Variants in MGAT4C observed in about 807,000 individuals in gnomAD.
The protein encoded by MGAT4C is MGAT4 family member C, also known as alpha-1,3-mannosyl-glycoprotein 4-beta-N-acetylglucosaminyltransferase C.
MGAT4C carries 19 observed loss-of-function variants against 40.1 expected under a neutral mutation model. The ratio of observed to expected loss-of-function variants is 0.47; its 90% CI spans 0.33 to 0.70. The LOEUF (loss-of-function observed/expected upper bound fraction) is 0.70. MGAT4C is among the 30% of genes least tolerant of loss of function. MGAT4C has a pLI of 0.02. For missense variants in MGAT4C, 491 were observed against 563.2 expected, an observed-to-expected ratio of 0.87 and a Z score of 1.30; for synonymous variants, 181 against 187.1, an observed-to-expected ratio of 0.97 and a Z score of 0.27.
intron 2 of MGAT4C, among the ~76,000 whole-genome samples, chr12:86,657,546 A>T (rs946735013): frequency 6.6e-6 from 1 of 151,970 alleles, no homozygotes. Context: ...TAACTATAGC[A>T]TTCAAAAGTA....
intron 1 of MGAT4C, among the ~76,000 whole-genome samples, chr12:86,759,199 T>C (rs143206679): frequency 7.9e-5 from 12 of 152,260 alleles, no homozygotes; most frequent in Admixed American, 7.9e-4. Flanking sequence ...TCATTCATGA[T>C]GCTGCAACTG....
At chr12:86,784,713 T>C (rs1338323203) in intron 1 of MGAT4C, among the ~76,000 whole-genome samples, 1 of 149,974 alleles carries the variant, frequency 6.7e-6, no homozygotes, top group African/African-American at 2.4e-5. Flanking sequence ...AGAGTAGCCC[T>C]GAAGGAAGCA....
chr12:86,591,369 T>C (rs1961322285), intron 2 of MGAT4C, among the ~76,000 whole-genome samples: 1 of 151,992 alleles, frequency 6.6e-6, no homozygotes. Context: ...ATTTATTCAC[T>C]TTTAAAATTT....
chr12:86,040,034 G>T (rs565444282), intron 2 of MGAT4C, among the ~76,000 whole-genome samples: 4 of 152,186 alleles, frequency 2.6e-5, no homozygotes, highest in African/African-American at 9.6e-5. Context: ...GACCCTGTTT[G>T]CCTGGGTACC....
intron 1 of MGAT4C, among the ~76,000 whole-genome samples, chr12:86,755,173 C>G (rs1221939137): frequency 6.6e-6 from 1 of 152,088 alleles, no homozygotes; most frequent in Non-Finnish European, 1.5e-5. Flanking sequence ...CACTGAAAGC[C>G]TGAAGAGTAA....
chr12:86,044,081 T>C (rs1892152987), intron 2 of MGAT4C, among the ~76,000 whole-genome samples: 1 of 152,212 alleles, frequency 6.6e-6, no homozygotes, highest in African/African-American at 2.4e-5. Flanking sequence ...CTTAAGGGTT[T>C]GATTGTGGTC....
At chr12:86,104,837 A>C (rs1696285323) in intron 1 of MGAT4C, among the ~76,000 whole-genome samples, 2 of 143,542 alleles carry the variant, frequency 1.4e-5, no homozygotes, top group African/African-American at 2.7e-5. Flanking sequence ...TAACATATTA[A>C]ATTCAAAATT....
intron 1 of MGAT4C, among the ~76,000 whole-genome samples, chr12:86,803,965 A>C (rs1399615682): frequency 1.5e-5 from 2 of 135,750 alleles, no homozygotes; most frequent in East Asian, 2.3e-4. Context: ...ACACATGCAC[A>C]CGTATGTTTA....
At chr12:86,667,478 C>T (rs1163817850) in intron 2 of MGAT4C, among the ~76,000 whole-genome samples, 1 of 152,184 alleles carries the variant, frequency 6.6e-6, no homozygotes, top group Non-Finnish European at 1.5e-5. Flanking sequence ...GCAAGCAAAT[C>T]AGACTGTGAC....
Position 86,133,214 on chromosome 12 carries a change from T to A in MGAT4C, c.-56-83491A>T, listed in dbSNP as rs113003374. On this transcript the variant is annotated intron_variant, in intron 1 of 4. Coordinates refer to ENST00000611864, the MANE Select transcript of MGAT4C (RefSeq NM_001351288.2). ...TACTTAGAAAGCACATGTTAAGTAA[T>A]TTGCTCATTTATATTTGATTAGATT... Among the ~76,000 whole-genome samples the A allele has an allele frequency of 6.3e-3, 966 of 152,336 alleles. 6 individuals carry two copies. Among genetic ancestry groups the A allele is most frequent in the African/African-American group, 0.022 (929 of 41,580 alleles).
At chr12:86,129,442 GAGAGAAAAAC>G (rs1480527301) in intron 1 of MGAT4C, among the ~76,000 whole-genome samples, 1 of 151,860 alleles carries the variant, frequency 6.6e-6, no homozygotes, top group Non-Finnish European at 1.5e-5. Flanking sequence ...ACTAGCCACA[GAGAGAAAAAC>G]AGAGAGTTAA....
At chr12:85,995,605 T>G (rs1279605516) in intron 2 of MGAT4C, among the ~76,000 whole-genome samples, 4 of 152,210 alleles carry the variant, frequency 2.6e-5, no homozygotes, top group Non-Finnish European at 4.4e-5. Context: ...CGGTACCTCA[T>G]GCCTGTATTC....
chr12:86,725,522 G>A (rs766187550), intron 2 of MGAT4C, among the ~76,000 whole-genome samples: 2 of 151,992 alleles, frequency 1.3e-5, no homozygotes, highest in African/African-American at 2.4e-5. Flanking sequence ...AGTATAGTGG[G>A]CGATCTCGGC....
intron 1 of MGAT4C, among the ~76,000 whole-genome samples, chr12:86,757,354 T>A (rs1000695382): frequency 6.6e-6 from 1 of 152,122 alleles, no homozygotes; most frequent in African/African-American, 2.4e-5. Context: ...ACCCCAGAAC[T>A]GAAAGTATAA....
At position 86,625,149 on chromosome 12, in the gene MGAT4C, G is replaced by A. The variant is rs553361802; in HGVS notation, c.-229+102060C>T. 2.6e-5 allele frequency among the ~76,000 whole-genome samples: 4 copies of A among 152,100 alleles called. No individual in the cohort carries two copies. The South Asian group carries it at 8.3e-4, about 32-fold the overall frequency. Reference sequence around the variant, plus strand: ...TCTTTTTAGGGGGCTTTTTAAAGGGGCTCTTCCCTCTTTGCTCTCTCTGCT... The same window carrying A: ...TCTTTTTAGGGGGCTTTTTAAAGGGACTCTTCCCTCTTTGCTCTCTCTGCT... On this transcript the variant is annotated intron_variant, in intron 2 of 7. Transcript: ENST00000548651.
At chr12:86,347,336 T>TA (rs1955059113) in intron 3 of MGAT4C, among the ~76,000 whole-genome samples, 1 of 152,024 alleles carries the variant, frequency 6.6e-6, no homozygotes, top group Non-Finnish European at 1.5e-5. Flanking sequence ...ATATTAAGTA[T>TA]AAAAAAACAC....
intron 3 of MGAT4C, among the ~76,000 whole-genome samples, chr12:86,389,258 A>G (rs769187369): frequency 2.6e-5 from 4 of 152,100 alleles, no homozygotes; most frequent in Non-Finnish European, 4.4e-5. Flanking sequence ...ATGTGTTGTC[A>G]TCATTTAGCT....
In MGAT4C at chr12:86,047,767, T is replaced by C. The variant is rs146244549; in HGVS notation, c.-7+1907A>G. On this transcript the variant is annotated intron_variant, in intron 2 of 4. Coordinates refer to ENST00000611864, the MANE Select transcript of MGAT4C (RefSeq NM_001351288.2). The stretch of plus-strand genomic sequence containing the variant: ...AAGATCTGAGATCTGAATGAATTCA[T>C]GCTATTTGTTTGCTCAAAAACCAAA... Among the ~76,000 whole-genome samples the C allele has an allele frequency of 1.9e-3, 292 of 152,252 alleles. 2 individuals are homozygous for C. The highest frequency in any genetic ancestry group is 6.9e-3 in the African/African-American group (286 of 41,568).
At chr12:86,468,820 C>T (rs572732830) in intron 2 of MGAT4C, among the ~76,000 whole-genome samples, 1 of 152,070 alleles carries the variant, frequency 6.6e-6, no homozygotes, top group East Asian at 1.9e-4. Flanking sequence ...CTAACTGCTT[C>T]AGGTCCCTTA....
Sources: gnomAD v4.1 joint callset for allele counts (sites outside exome capture counted in the v4.1 genomes callset) on GRCh38, gnomAD v4.1.1 for gene constraint, MANE v1.5 for transcripts, NCBI Gene and HGNC (gene_info 2026-07-23, HGNC 2026-07-21) for gene names.